The following PRR5L variants were observed in gnomAD, a reference collection of about 807,000 sequenced individuals.
PRR5L encodes the protein proline rich 5 like, also known as proline-rich protein 5-like.
PRR5L carries 21 observed loss-of-function variants against 36.4 expected under a neutral mutation model. The observed-to-expected ratio is 0.58, with a 90% CI of 0.41 to 0.83. PRR5L has a LOEUF of 0.83. PRR5L is among the 40% of genes least tolerant of loss of function. The pLI is 0.00. For synonymous variants in PRR5L, 188 were observed against 197.0 expected (o/e 0.95, Z 0.38); for missense variants, 381 against 473.3 (o/e 0.80, Z 1.81).
chr11:36,407,173 T>G (rs1857929105), intron 3 of PRR5L, among the ~76,000 whole-genome samples: 1 of 140,210 alleles, frequency 7.1e-6, no homozygotes, highest in Non-Finnish European at 1.5e-5. Context: ...ACGTGATGAA[T>G]TGCCCCATGA....
intron 4 of PRR5L, among the ~76,000 whole-genome samples, chr11:36,431,466 A>T (rs866920483): frequency 6.0e-4 from 73 of 121,386 alleles, no homozygotes; most frequent in Middle Eastern, 5.2e-3. Flanking sequence ...TTTTTTTTTA[A>T]AAAAAAATAT....
At chr11:36,315,250 A>G (rs543818845) in intron 1 of PRR5L, among the ~76,000 whole-genome samples, 3 of 152,224 alleles carry the variant, frequency 2.0e-5, no homozygotes, top group Non-Finnish European at 4.4e-5. Flanking sequence ...GCATGCAAAA[A>G]CAGAGTCTAG....
At chr11:36,374,478 G>C (rs1857233294) in intron 1 of PRR5L, among the ~76,000 whole-genome samples, 1 of 151,934 alleles carries the variant, frequency 6.6e-6, no homozygotes, top group Admixed American at 6.6e-5. Context: ...GAATGAGGGA[G>C]ACTGGGAGGG....
chr11:36,423,840 A>G lies in PRR5L; in HGVS notation c.294+4537A>G, dbSNP rs549612451. 2.6e-5 allele frequency among the ~76,000 whole-genome samples: 4 copies of G among 152,280 alleles called. No individual in the cohort carries two copies. The East Asian group carries it at 7.7e-4, about 29-fold the overall frequency. On this transcript the variant is annotated intron_variant, in intron 4 of 8. Transcript: ENST00000530639. Reference sequence around the variant, plus strand: ...AGAGAAGAACAGCACTGTGGAATCTATAAGCTTTGGGGTGGCCTAGAAGCT... The same window carrying G: ...AGAGAAGAACAGCACTGTGGAATCTGTAAGCTTTGGGGTGGCCTAGAAGCT...
intron 1 of PRR5L, among the ~76,000 whole-genome samples, chr11:36,383,955 C>T (rs1026955469): frequency 1.3e-5 from 2 of 152,060 alleles, no homozygotes; most frequent in African/African-American, 2.4e-5. Flanking sequence ...CTCGGCCTCC[C>T]CTGTCTTTTT....
intron 1 of PRR5L, among the ~76,000 whole-genome samples, chr11:36,389,386 G>C (rs1857520096): frequency 6.6e-6 from 1 of 152,114 alleles, no homozygotes; most frequent in Non-Finnish European, 1.5e-5. Flanking sequence ...ACTAACTATA[G>C]CTTTTTGCGC....
intron 1 of PRR5L, among the ~76,000 whole-genome samples, chr11:36,360,073 AC>A (rs1565415348): frequency 3.4e-5 from 2 of 59,526 alleles, no homozygotes; most frequent in African/African-American, 1.3e-4. Context: ...ATACACACAC[AC>A]CCACACACAC....
At chr11:36,437,765 A>G (rs1437663263) in intron 6 of PRR5L, among the ~76,000 whole-genome samples, 1 of 152,210 alleles carries the variant, frequency 6.6e-6, no homozygotes, top group Non-Finnish European at 1.5e-5. Context: ...AGTTTTCAGA[A>G]GTACAGAAGA....
At chr11:36,459,915 T>G (rs535926337) in intron 8 of PRR5L, among the ~76,000 whole-genome samples, 1 of 152,352 alleles carries the variant, frequency 6.6e-6, no homozygotes, top group African/African-American at 2.4e-5. Flanking sequence ...CTTTGATTTT[T>G]CATATCCTAA....
At chr11:36,347,126 C>G (rs1208490800) in intron 1 of PRR5L, among the ~76,000 whole-genome samples, 1 of 152,038 alleles carries the variant, frequency 6.6e-6, no homozygotes, top group Non-Finnish European at 1.5e-5. Context: ...ATACTGGTTA[C>G]CTTGGGGAGA....
intron 1 of PRR5L, among the ~76,000 whole-genome samples, chr11:36,339,059 T>C (rs1052780737): frequency 6.6e-6 from 1 of 152,174 alleles, no homozygotes; most frequent in Non-Finnish European, 1.5e-5. Flanking sequence ...CCCTCTATCA[T>C]GATTGTGAGA....
chr11:36,302,513 C>T (rs1156869666), intron 1 of PRR5L, among the ~76,000 whole-genome samples: 4 of 152,096 alleles, frequency 2.6e-5, no homozygotes, highest in Non-Finnish European at 5.9e-5. Flanking sequence ...CAGCTGGGTG[C>T]GGGGGCTCAC....
At chr11:36,430,179 G>A (rs924773724) in intron 4 of PRR5L, among the ~76,000 whole-genome samples, 1 of 152,150 alleles carries the variant, frequency 6.6e-6, no homozygotes, top group Non-Finnish European at 1.5e-5. Context: ...GGAGGCCGAG[G>A]TGGGCAGATC....
chr11:36,367,185 A>G (rs145638542), intron 1 of PRR5L, among the ~76,000 whole-genome samples: 2 of 152,334 alleles, frequency 1.3e-5, no homozygotes, highest in Non-Finnish European at 2.9e-5. Context: ...GCATGCAGTA[A>G]TACACATCAG....
chr11:36,368,943 T>C (rs919402518), intron 1 of PRR5L, among the ~76,000 whole-genome samples: 3 of 152,056 alleles, frequency 2.0e-5, no homozygotes, highest in Non-Finnish European at 2.9e-5. Context: ...AAGAGAGTCG[T>C]GAGACAAAAA....
chr11:36,330,290 C>G (rs1181728960), intron 1 of PRR5L, among the ~76,000 whole-genome samples: 1 of 152,102 alleles, frequency 6.6e-6, no homozygotes, highest in Non-Finnish European at 1.5e-5. Flanking sequence ...CATTAGAGAA[C>G]TAACAATATT....
At chr11:36,321,900 C>T (rs934878669) in intron 1 of PRR5L, among the ~76,000 whole-genome samples, 1 of 152,138 alleles carries the variant, frequency 6.6e-6, no homozygotes, top group Non-Finnish European at 1.5e-5. Flanking sequence ...GTGTCTGTGT[C>T]CTAATCTCTT....
At chr11:36,458,816 C>A (rs994525201) in intron 8 of PRR5L, among the ~76,000 whole-genome samples, 2 of 152,234 alleles carry the variant, frequency 1.3e-5, no homozygotes, top group South Asian at 2.1e-4. Flanking sequence ...GGTGTTCCCC[C>A]TCCTGTCCAA....
At chr11:36,319,872 T>C (rs1856595988) in intron 1 of PRR5L, among the ~76,000 whole-genome samples, 1 of 152,066 alleles carries the variant, frequency 6.6e-6, no homozygotes, top group Admixed American at 6.5e-5. Flanking sequence ...GAGAGAAATT[T>C]CAATTGTTGT....
Sources: allele counts gnomAD v4.1 joint callset (sites outside exome capture counted in the v4.1 genomes callset), GRCh38; gene constraint gnomAD v4.1.1; transcripts MANE v1.5; gene names NCBI Gene and HGNC (gene_info 2026-07-23, HGNC 2026-07-21).